Variants in SLC36A4 observed in about 807,000 individuals in gnomAD.
The protein encoded by SLC36A4 is neutral amino acid uniporter 4.
SLC36A4 carries 49 observed loss-of-function variants against 50.5 expected under a neutral mutation model. The ratio of observed to expected loss-of-function variants is 0.97; its 90% CI spans 0.77 to 1.23. The LOEUF is 1.23. SLC36A4 is among the 50% of genes most tolerant of loss of function. The pLI, the probability that SLC36A4 is intolerant of heterozygous loss-of-function variation, is 0.00. For missense variants in SLC36A4, 611 were observed against 608.4 expected, an observed-to-expected ratio of 1.00 and a Z score of -0.05; for synonymous variants, 207 against 206.5, an observed-to-expected ratio of 1.00 and a Z score of -0.02.
At position 93,168,060 on chromosome 11, in the gene SLC36A4, G is replaced by C. The variant is rs762073615; in HGVS notation, c.652C>G (p.Pro218Ala). The C allele has an allele frequency of 3.7e-6, 6 of 1,612,080 alleles. No homozygotes were observed. The highest frequency in any genetic ancestry group is 1.6e-4 in the Middle Eastern group (1 of 6,070). The change falls in exon 7 of 11, where the codon CCA (proline) becomes GCA (alanine). Residue 218 changes from proline (P) to alanine (A), a missense_variant. By Grantham distance (27) the Pro-to-Ala change is conservative (BLOSUM62 -1). Coordinates refer to ENST00000326402, the MANE Select transcript of SLC36A4 (RefSeq NM_152313.4). Reference sequence around the variant, plus strand: ...ATGAAGACCAAAAGAATTATAAATGGAAGAAAGCAAAGCATATATATCCTT... The same window carrying C: ...ATGAAGACCAAAAGAATTATAAATGCAAGAAAGCAAAGCATATATATCCTT... Reference protein sequence around the residue: ...DLRIYMLCFLPFIILLVFIRE... With the variant: ...DLRIYMLCFLAFIILLVFIRE...
chr11:93,184,246 T>C (rs1392838441), intron 3 of SLC36A4, among the ~76,000 whole-genome samples, 184 bp downstream of exon 3: 1 of 152,156 alleles, frequency 6.6e-6, no homozygotes. Context: ...TAGAAATGAA[T>C]AAAGTAATTA....
intron 7 of SLC36A4, 95 bp downstream of exon 7, chr11:93,167,849 G>T: frequency 1.4e-6 from 1 of 712,004 alleles, no homozygotes. Context: ...TATGAAGTAG[G>T]GGTCTTTGCA....
intron 8 of SLC36A4, 74 bp from the exon 9 acceptor site, chr11:93,162,949 A>T (rs1033275574): frequency 1.4e-6 from 2 of 1,430,308 alleles, no homozygotes; most frequent in Admixed American, 4.7e-5. Flanking sequence ...TTATACATAC[A>T]AATTGGTTGT....
chr11:93,192,803 T>C (rs1356168704), intron 1 of SLC36A4, among the ~76,000 whole-genome samples: 1 of 152,178 alleles, frequency 6.6e-6, no homozygotes, highest in Non-Finnish European at 1.5e-5. Context: ...TAGAGAGTTT[T>C]GGGCCTTGGA....
At chr11:93,164,554 C>CA (rs1860778226) in intron 8 of SLC36A4, among the ~76,000 whole-genome samples, 1 of 152,084 alleles carries the variant, frequency 6.6e-6, no homozygotes, top group African/African-American at 2.4e-5. Flanking sequence ...TCATATAAGT[C>CA]AGTCAGTTCC....
At chr11:93,174,122 T>C (rs993720691) in intron 6 of SLC36A4, among the ~76,000 whole-genome samples, 45 of 150,798 alleles carry the variant, frequency 3.0e-4, no homozygotes, top group African/African-American at 1.0e-3. Context: ...TTTTATTTCA[T>C]TGAGCAGTGG....
rs563328688 is a variant in SLC36A4, at chr11:93,176,676, T to C, written c.540+4121A>G. ...CAAAATCTCTCAGCATTTGCTTGTCTGTAAAGTATTTTATTTCTCCTTCAC... is the reference window on the plus strand; with the variant it reads ...CAAAATCTCTCAGCATTTGCTTGTCCGTAAAGTATTTTATTTCTCCTTCAC... On this transcript the variant is annotated intron_variant, in intron 6 of 10. Transcript: ENST00000326402. Among the ~76,000 whole-genome samples, 443 of 152,298 alleles carry C rather than the reference T, an allele frequency of 2.9e-3. 3 individuals carry two copies. The highest frequency in any genetic ancestry group is 0.01 in the African/African-American group (426 of 41,558).
chr11:93,160,507 G>A, intron 9 of SLC36A4: 7 of 985,368 alleles, frequency 7.1e-6, no homozygotes, highest in Non-Finnish European at 8.4e-6. Flanking sequence ...GATGTAGAAA[G>A]GGGCTGTGGG....
chr11:93,193,774 C>G (rs1862308460), intron 1 of SLC36A4, among the ~76,000 whole-genome samples: 1 of 152,220 alleles, frequency 6.6e-6, no homozygotes, highest in South Asian at 2.1e-4. Context: ...GTTCTAAAAT[C>G]ACATTAATTT....
intron 6 of SLC36A4, chr11:93,180,369 T>G (rs1304934602): frequency 1.0e-6 from 1 of 962,942 alleles, no homozygotes; most frequent in Non-Finnish European, 1.2e-6. Context: ...ACACAGTGTC[T>G]TTTTACACAA....
At chr11:93,181,432 T>C (rs920007562) in intron 5 of SLC36A4, among the ~76,000 whole-genome samples, 1 of 152,072 alleles carries the variant, frequency 6.6e-6, no homozygotes, top group Admixed American at 6.5e-5. Context: ...TCTACCATAA[T>C]GATCCTGTGA....
At chr11:93,181,809 C>A (rs1217534548) in intron 4 of SLC36A4, 23 bp from the exon 5 acceptor site, 1 of 1,518,338 alleles carries the variant, frequency 6.6e-7, no homozygotes, top group Non-Finnish European at 8.8e-7. Context: ...GACATACATA[C>A]AAAGGAAAAA....
At chr11:93,176,669 G>T (rs1386195414) in intron 6 of SLC36A4, among the ~76,000 whole-genome samples, 7 of 151,996 alleles carry the variant, frequency 4.6e-5, no homozygotes, top group Admixed American at 4.6e-4. Flanking sequence ...CTCAGCATTT[G>T]CTTGTCTGTA....
intron 6 of SLC36A4, among the ~76,000 whole-genome samples, chr11:93,168,965 T>G (rs1168968760): frequency 1.3e-5 from 2 of 152,076 alleles, no homozygotes; most frequent in African/African-American, 2.4e-5. Flanking sequence ...AATGAAATTA[T>G]AGAGGACTTT....
In SLC36A4 at chr11:93,168,179, G is replaced by A; in HGVS notation, c.541-8C>T. ...CAGGAATCCTTCATGAACCTACATA[G>A]GATTACCAGGAGAATAAAGAAGGGG... On this transcript the variant is annotated splice_region_variant and splice_polypyrimidine_tract_variant and intron_variant, in intron 6 of 10. Transcript: ENST00000326402. 6.5e-7 allele frequency: 1 copy of A among 1,546,678 alleles called. No homozygotes were observed. Among genetic ancestry groups the A allele is most frequent in the Non-Finnish European group, 8.8e-7 (1 of 1,138,322 alleles).
At chr11:93,166,058 C>A in intron 7 of SLC36A4, 42 bp from the exon 8 acceptor site, 1 of 1,449,214 alleles carries the variant, frequency 6.9e-7, no homozygotes, top group Non-Finnish European at 9.5e-7. Flanking sequence ...TACATCTTTA[C>A]TTATTCTAAA....
At chr11:93,197,428 A>C in intron 1 of SLC36A4, 1 of 390,664 alleles carries the variant, frequency 2.6e-6, no homozygotes, top group South Asian at 3.5e-5. Flanking sequence ...AACAATGATA[A>C]CTTCCTTAAA....
intron 6 of SLC36A4, among the ~76,000 whole-genome samples, chr11:93,179,177 G>A (rs1215575868): frequency 1.3e-5 from 2 of 151,422 alleles, no homozygotes; most frequent in Non-Finnish European, 2.9e-5. Flanking sequence ...TATCAACCAG[G>A]TACAGTACTA....
Position 93,144,954 on chromosome 11 carries a change from T to C in SLC36A4, c.*3583A>G, listed in dbSNP as rs767398520. The C allele has an allele frequency of 2.0e-5, 3 of 152,036 alleles. No individual in the cohort carries two copies. Among genetic ancestry groups the C allele is most frequent in the Non-Finnish European group, 2.9e-5 (2 of 67,962 alleles). The allele number at this position is 152,036 out of a possible 1,614,324, so 9.4% of individuals were successfully genotyped here. A position where few individuals can be genotyped will look rare whatever the true frequency, so the allele number is the denominator to read the frequency against. ...TGAGCCACTGATGCTATTTAAATAA[T>C]TTTATTTATTATTTACACTAGCTCT... On this transcript the variant is annotated 3_prime_UTR_variant, in exon 11 of 11. Coordinates refer to ENST00000326402, the MANE Select transcript of SLC36A4 (RefSeq NM_152313.4).
Sources: allele counts gnomAD v4.1 joint callset (sites outside exome capture counted in the v4.1 genomes callset), GRCh38; gene constraint gnomAD v4.1.1; transcripts MANE v1.5; gene names NCBI Gene and HGNC (gene_info 2026-07-23, HGNC 2026-07-21).